NLGN4Y: variants seen among roughly 807,000 people sequenced by gnomAD.
The protein encoded by NLGN4Y is neuroligin 4 Y-linked.
NLGN4Y carries 4 observed loss-of-function variants against 8.4 expected under a neutral mutation model. The ratio of observed to expected loss-of-function variants is 0.48; its 90% CI spans 0.23 to 1.09. The LOEUF (loss-of-function observed/expected upper bound fraction) is 1.09. NLGN4Y is among the 50% of genes least tolerant of loss of function. The probability of loss-of-function intolerance (pLI) is 0.19; values close to 1 mark genes in which losing one functional copy is unlikely to be tolerated. For missense variants in NLGN4Y, 90 were observed against 192.3 expected, an observed-to-expected ratio of 0.47 and a Z score of 3.15; for synonymous variants, 35 against 75.6, an observed-to-expected ratio of 0.46 and a Z score of 2.78.
At chrY:14,768,706 A>G (rs1229295241) in intron 4 of NLGN4Y, among the ~76,000 whole-genome samples, 1 of 32,952 alleles carries the variant, frequency 3.0e-5, no homozygotes, top group East Asian at 7.8e-4. Context: ...AGTATATAGT[A>G]TTAAGGAGAT....
chrY:14,839,894 TTC>T (rs2043208941), intron 6 of NLGN4Y, among the ~76,000 whole-genome samples: 1 of 33,262 alleles, frequency 3.0e-5, no homozygotes, highest in African/African-American at 1.2e-4. Context: ...TCCAGATAAC[TTC>T]TTTGCTGTGG....
chrY:14,602,695 C>A, intron 1 of NLGN4Y, among the ~76,000 whole-genome samples: 1 of 33,236 alleles, frequency 3.0e-5, no homozygotes, highest in South Asian at 6.6e-4. Context: ...TTTATTTATT[C>A]ATTGTCCTAT....
chrY:14,802,600 T>C (rs2043037234), intron 4 of NLGN4Y, among the ~76,000 whole-genome samples: 1 of 25,411 alleles, frequency 3.9e-5, no homozygotes, highest in African/African-American at 1.5e-4. Context: ...AAATTACATA[T>C]AAAAGTATAT....
intron 2 of NLGN4Y, among the ~76,000 whole-genome samples, chrY:14,633,512 G>C (rs911029850): frequency 6.1e-5 from 2 of 33,050 alleles, no homozygotes; most frequent in Admixed American, 2.8e-4. Flanking sequence ...ATTTTTAGTA[G>C]AGATGGGTTT....
At chrY:14,810,057 G>T (rs2043072671) in intron 4 of NLGN4Y, among the ~76,000 whole-genome samples, 4 of 33,289 alleles carry the variant, frequency 1.2e-4, no homozygotes, top group African/African-American at 2.3e-4. Flanking sequence ...GAAATTCAGA[G>T]AAAGCTGAAA....
chrY:14,767,233 G>A, intron 4 of NLGN4Y, among the ~76,000 whole-genome samples: 1 of 33,321 alleles, frequency 3.0e-5, no homozygotes, highest in East Asian at 7.8e-4. Flanking sequence ...GTTTCCAGAG[G>A]CAACTCTTTT....
At chrY:14,585,706 T>C (rs2080337983) in intron 1 of NLGN4Y, among the ~76,000 whole-genome samples, 1 of 33,731 alleles carries the variant, frequency 3.0e-5, no homozygotes, top group Admixed American at 2.7e-4. Flanking sequence ...TACTTCATTT[T>C]AATGAACTTT....
intron 1 of NLGN4Y, among the ~76,000 whole-genome samples, chrY:14,618,098 G>T (rs757742111): frequency 6.0e-3 from 152 of 25,264 alleles, no homozygotes; most frequent in Admixed American, 0.014. Flanking sequence ...CCAGGGGAAT[G>T]AAAGGTTCTG....
At chrY:14,634,011 C>G in intron 2 of NLGN4Y, among the ~76,000 whole-genome samples, 1 of 33,381 alleles carries the variant, frequency 3.0e-5, no homozygotes, top group South Asian at 6.9e-4. Context: ...CACAGCCAAA[C>G]TGCAGTGAAA....
intron 1 of NLGN4Y, among the ~76,000 whole-genome samples, chrY:14,544,056 C>T (rs565636415): frequency 1.8e-4 from 6 of 33,664 alleles, no homozygotes; most frequent in African/African-American, 6.9e-4. Context: ...AGCTCTGGGT[C>T]TCATTATTTG....
intron 2 of NLGN4Y, among the ~76,000 whole-genome samples, chrY:14,682,983 T>C (rs1004947320): frequency 3.0e-5 from 1 of 33,029 alleles, no homozygotes; most frequent in African/African-American, 1.2e-4. Context: ...CTGTCACACA[T>C]ACACAAAAAA....
chrY:14,750,987 C>A, intron 4 of NLGN4Y, among the ~76,000 whole-genome samples: 1 of 33,327 alleles, frequency 3.0e-5, no homozygotes, highest in African/African-American at 1.2e-4. Context: ...GGCATCCCTG[C>A]ATCGCATAAA....
At chrY:14,575,732 G>A (rs762326119) in intron 1 of NLGN4Y, among the ~76,000 whole-genome samples, 7 of 32,915 alleles carry the variant, frequency 2.1e-4, no homozygotes, top group Admixed American at 1.4e-3. Flanking sequence ...ATCTACCTTC[G>A]GTCTTTGATG....
intron 1 of NLGN4Y, among the ~76,000 whole-genome samples, chrY:14,615,331 G>A (rs1030684244): frequency 3.0e-5 from 1 of 32,950 alleles, no homozygotes; most frequent in Non-Finnish European, 7.5e-5. Flanking sequence ...GAGATAATGG[G>A]GTTTTCTAAA....
At chrY:14,753,858 G>A in intron 4 of NLGN4Y, among the ~76,000 whole-genome samples, 3 of 32,397 alleles carry the variant, frequency 9.3e-5, no homozygotes, top group Non-Finnish European at 2.2e-4. Flanking sequence ...TAAGATTGGG[G>A]ATATATCTTC....
chrY:14,712,659 G>T, intron 2 of NLGN4Y, among the ~76,000 whole-genome samples: 1 of 33,384 alleles, frequency 3.0e-5, no homozygotes, highest in Admixed American at 2.7e-4. Flanking sequence ...ATTCGTGCAT[G>T]CATTTTCCTG....
At chrY:14,799,100 C>T (rs766556427) in intron 4 of NLGN4Y, among the ~76,000 whole-genome samples, 2 of 33,697 alleles carry the variant, frequency 5.9e-5, no homozygotes, top group East Asian at 7.9e-4. Flanking sequence ...GGTTTTTAGC[C>T]GACTCCTCAA....
intron 2 of NLGN4Y, among the ~76,000 whole-genome samples, chrY:14,680,598 A>G (rs2150533079): frequency 3.0e-5 from 1 of 33,413 alleles, no homozygotes; most frequent in Non-Finnish European, 7.4e-5. Flanking sequence ...AGGCCTCACT[A>G]TGTGTAAGAC....
chrY:14,799,245 A>G (rs2043022647), intron 4 of NLGN4Y, among the ~76,000 whole-genome samples: 1 of 33,842 alleles, frequency 3.0e-5, no homozygotes, highest in African/African-American at 1.2e-4. Context: ...GCTAAGAGAC[A>G]AGAGTGAACC....
Sources: allele counts gnomAD v4.1 joint callset (sites outside exome capture counted in the v4.1 genomes callset), GRCh38; gene constraint gnomAD v4.1.1; transcripts MANE v1.5; gene names NCBI Gene and HGNC (gene_info 2026-07-23, HGNC 2026-07-21).